The following AP4E1 variants were observed in gnomAD, a reference collection of about 807,000 sequenced individuals.
AP4E1 encodes adaptor related protein complex 4 subunit epsilon 1, also known as AP-4 complex subunit epsilon-1.
A neutral mutation model predicts 128.2 loss-of-function variants in AP4E1; 56 were observed. The ratio of observed to expected loss-of-function variants is 0.44; its 90% confidence interval spans 0.35 to 0.55. The LOEUF is 0.55. Among genes scored for constraint, AP4E1 ranks in the 20% least tolerant of loss-of-function variants. The pLI, the probability that AP4E1 is intolerant of heterozygous loss-of-function variation, is 0.00. For missense variants in AP4E1, 1,324 were observed against 1,307.7 expected (o/e 1.01, Z -0.19); for synonymous variants, 484 against 473.1 (o/e 1.02, Z -0.30).
At chr15:50,928,931 T>A (rs2063798586) in intron 5 of AP4E1, 78 bp from the exon 6 acceptor site, 1 of 1,382,772 alleles carries the variant, frequency 7.2e-7, no homozygotes, top group African/African-American at 1.4e-5. Flanking sequence ...TATTTTGAAA[T>A]CATCTGGCCT....
At chr15:50,963,811 C>T (rs942008460) in intron 14 of AP4E1, among the ~76,000 whole-genome samples, 4 of 152,160 alleles carry the variant, frequency 2.6e-5, no homozygotes, top group Non-Finnish European at 5.9e-5. Flanking sequence ...ATCAAAGAAT[C>T]GTATGTACGC....
intron 3 of AP4E1, among the ~76,000 whole-genome samples, chr15:50,922,831 G>A (rs1420652846): frequency 1.3e-5 from 2 of 151,086 alleles, no homozygotes; most frequent in East Asian, 3.9e-4. Context: ...GGTCTGGAGT[G>A]CAGTGGCGTG....
intron 10 of AP4E1, among the ~76,000 whole-genome samples, chr15:50,943,891 C>T (rs2064021897): frequency 6.6e-6 from 1 of 152,100 alleles, no homozygotes; most frequent in African/African-American, 2.4e-5. Flanking sequence ...GAAAGGCATG[C>T]AATTTAAAAC....
chr15:51,004,905 CAG>C lies in AP4E1; in HGVS notation c.*2246_*2247del, dbSNP rs988057277. The C allele has an allele frequency of 1.3e-5, 2 of 151,090 alleles. No individual in the cohort carries two copies. The highest frequency in any genetic ancestry group is 2.9e-5 in the Non-Finnish European group (2 of 67,800). 9.4% of individuals were successfully genotyped at this position (151,090 alleles called of 1,614,324 possible). ...AAGTAGGGAGTTTTTTTTTTTGAGA[CAG>C]AGTTTCACCCTTGTTGCCCAGGCTA... On this transcript the variant is annotated 3_prime_UTR_variant, in exon 21 of 21. Transcript: ENST00000261842.
chr15:50,997,626 A>G lies in AP4E1; in HGVS notation c.2647A>G (p.Met883Val), dbSNP rs774302336. ...STPSLFANNN[M>V]EIFHPPQSTA... Reference sequence around the variant, plus strand: ...ACCTTCATTGTTTGCTAATAACAACATGGAAATTTTTCACCCTCCTCAATC... The same window carrying G: ...ACCTTCATTGTTTGCTAATAACAACGTGGAAATTTTTCACCCTCCTCAATC... The change falls in exon 18 of 21, where the codon ATG (methionine) becomes GTG (valine). Residue 883 changes from methionine to valine, a missense_variant. Physicochemically the swap from Met to Val is conservative, Grantham distance 21. Transcript: ENST00000261842. The G allele has an allele frequency of 2.5e-6, 4 of 1,613,966 alleles. No homozygotes were observed. The highest frequency in any genetic ancestry group is 1.7e-6 in the Non-Finnish European group (2 of 1,179,992).
intron 3 of AP4E1, among the ~76,000 whole-genome samples, chr15:50,921,866 T>C (rs1208488162): frequency 6.6e-6 from 1 of 152,146 alleles, no homozygotes; most frequent in Non-Finnish European, 1.5e-5. Context: ...TTTTTTCTGA[T>C]TGTTGAAACA....
chr15:50,961,409 A>T (rs1412821168), intron 14 of AP4E1, among the ~76,000 whole-genome samples: 1 of 151,916 alleles, frequency 6.6e-6, no homozygotes, highest in Non-Finnish European at 1.5e-5. Context: ...ATAATACACT[A>T]TGATCAAGTG....
Position 50,958,638 on chromosome 15 carries a change from G to T in AP4E1, c.1695G>T (p.Ala565=), listed in dbSNP as rs528918348. 6.2e-6 allele frequency: 10 copies of T among 1,613,988 alleles called. No individual in the cohort carries two copies. The highest frequency in any genetic ancestry group is 2.2e-5 in the East Asian group (1 of 44,882). Residue 565 remains alanine (A), a synonymous_variant, in exon 14 of 21, where the codon GCG becomes GCT. Coordinates refer to ENST00000261842, the MANE Select transcript of AP4E1 (RefSeq NM_007347.5). Reference sequence around the variant, plus strand: ...CTGTGACCAAATTGACATCTCAGGCGCACTCTTCTAATACAGTTGAGAGAT... The same window carrying T: ...CTGTGACCAAATTGACATCTCAGGCTCACTCTTCTAATACAGTTGAGAGAT... ...IAAVTKLTSQ[A]HSSNTVERLI...
intron 8 of AP4E1, among the ~76,000 whole-genome samples, chr15:50,938,319 G>A (rs2063935640): frequency 6.6e-6 from 1 of 152,126 alleles, no homozygotes; most frequent in African/African-American, 2.4e-5. Context: ...AGGGAAATTA[G>A]CAAGGTAGAA....
In AP4E1 at chr15:50,949,887, G is replaced by T; in HGVS notation, c.1378G>T (p.Asp460Tyr). The part of the protein sequence containing the change: ...TMNAVFSVGG[D>Y]VMHPDIPNNF... ...GAATGCTGTGTTTTCAGTAGGAGGA[G>T]ATGTAATGCATCCTGATATTCCCAA... Residue 460 changes from aspartate (D) to tyrosine (Y), a missense_variant, in exon 12 of 21, where the codon GAT (aspartate) becomes TAT (tyrosine). Coordinates refer to ENST00000261842, the MANE Select transcript of AP4E1 (RefSeq NM_007347.5). The T allele has an allele frequency of 6.2e-7, 1 of 1,613,782 alleles. No homozygotes were observed. The highest frequency in any genetic ancestry group is 8.5e-7 in the Non-Finnish European group (1 of 1,179,792).
intron 1 of AP4E1, among the ~76,000 whole-genome samples, chr15:50,910,974 A>G (rs16963977): frequency 0.17 from 25,434 of 152,184 alleles, 2,378 homozygotes; most frequent in Admixed American, 0.27. Flanking sequence ...TTGTGGCCTT[A>G]ATAATGTTGT....
intron 10 of AP4E1, among the ~76,000 whole-genome samples, chr15:50,946,639 T>G (rs955651170): frequency 6.6e-6 from 1 of 152,214 alleles, no homozygotes; most frequent in Admixed American, 6.5e-5. Flanking sequence ...ATTAGAACCC[T>G]AAATATATTG....
At position 50,927,522 on chromosome 15, in the gene AP4E1, T is replaced by TG. The variant is rs1419281353; in HGVS notation, c.543-1487_543-1486insG. ...ACTCCTGGGCCTATTCAGAGTTTTT[T>TG]TTTTTTTTTTCCTCACTTCATTTAC... is the stretch of plus-strand genomic sequence containing the variant. On this transcript the variant is annotated intron_variant, in intron 5 of 20. Transcript: ENST00000261842. Among the ~76,000 whole-genome samples the TG allele has an allele frequency of 5.2e-3, 791 of 151,688 alleles. 3 individuals are homozygous for TG. The highest frequency in any genetic ancestry group is 0.021 in the Middle Eastern group (6 of 292).
intron 16 of AP4E1, among the ~76,000 whole-genome samples, chr15:50,986,786 C>T (rs2064730820): frequency 6.6e-6 from 1 of 152,182 alleles, no homozygotes; most frequent in African/African-American, 2.4e-5. Context: ...GGTTGTGTCT[C>T]TGCTAGGCTT....
chr15:50,995,772 C>T (rs536271751), intron 17 of AP4E1, among the ~76,000 whole-genome samples: 1 of 151,740 alleles, frequency 6.6e-6, no homozygotes, highest in Non-Finnish European at 1.5e-5. Flanking sequence ...GATGTCACTA[C>T]GGTGTCTTCT....
intron 5 of AP4E1, among the ~76,000 whole-genome samples, chr15:50,925,825 G>T (rs1257145703): frequency 6.7e-6 from 1 of 150,360 alleles, no homozygotes; most frequent in East Asian, 2.0e-4. Flanking sequence ...ATAGAAACTG[G>T]GTTTGGCCAG....
intron 14 of AP4E1, among the ~76,000 whole-genome samples, chr15:50,961,929 C>T (rs1198349920): frequency 6.6e-6 from 1 of 150,534 alleles, no homozygotes; most frequent in African/African-American, 2.4e-5. Flanking sequence ...AATCAACATA[C>T]AAAAATCAGT....
At chr15:50,967,519 C>T (rs1315637404) in intron 14 of AP4E1, among the ~76,000 whole-genome samples, 3 of 152,188 alleles carry the variant, frequency 2.0e-5, no homozygotes, top group Admixed American at 1.3e-4. Flanking sequence ...GGAAGCAGCC[C>T]TGCCAAAGCC....
chr15:51,003,587 G>C lies in AP4E1; in HGVS notation c.*925G>C, dbSNP rs540568924. ...TGGATATAGCTGAAGCAGAGACTAA[G>C]TATAACATACAGGTTCTTCAGTAAA... On this transcript the variant is annotated 3_prime_UTR_variant, in exon 21 of 21. Coordinates refer to ENST00000261842, the MANE Select transcript of AP4E1 (RefSeq NM_007347.5). The C allele has an allele frequency of 6.5e-6, 1 of 152,672 alleles. No homozygotes were observed. The highest frequency in any genetic ancestry group is 2.4e-5 in the African/African-American group (1 of 41,566). The allele number at this position is 152,672 out of a possible 1,614,324, so 9.5% of individuals were successfully genotyped here.
Sources: gnomAD v4.1 joint callset for allele counts (sites outside exome capture counted in the v4.1 genomes callset) on GRCh38, gnomAD v4.1.1 for gene constraint, MANE v1.5 for transcripts, NCBI Gene and HGNC (gene_info 2026-07-23, HGNC 2026-07-21) for gene names.